ZNF638: variants seen among roughly 807,000 people sequenced by gnomAD.
The protein encoded by ZNF638 is zinc finger protein 638.
In ZNF638, 46 loss-of-function variants were observed where a neutral mutation model predicts 195.6. The observed-to-expected ratio is 0.24, with a 90% CI of 0.19 to 0.30. The LOEUF is 0.30. Ranked by LOEUF, ZNF638 falls within the 10% of genes least tolerant of loss-of-function variation. The pLI is 1.00. For synonymous variants in ZNF638, 845 were observed against 772.0 expected (o/e 1.09, Z -1.57); for missense variants, 2,440 against 2,325.3 (o/e 1.05, Z -1.01).
intron 2 of ZNF638, among the ~76,000 whole-genome samples, chr2:71,351,295 A>G (rs983781264): frequency 6.6e-6 from 1 of 152,202 alleles, no homozygotes; most frequent in Non-Finnish European, 1.5e-5. Flanking sequence ...GTCAACATGA[A>G]TCTGATAATT....
chr2:71,400,052 T>G, intron 13 of ZNF638, 60 bp from the exon 14 acceptor site: 1 of 1,364,134 alleles, frequency 7.3e-7, no homozygotes, highest in Non-Finnish European at 1.0e-6. Flanking sequence ...CCTGTTTAGA[T>G]TCATTAGTTT....
At chr2:71,336,622 C>T (rs1573011022) in intron 1 of ZNF638, among the ~76,000 whole-genome samples, 1 of 152,302 alleles carries the variant, frequency 6.6e-6, no homozygotes, top group Non-Finnish European at 1.5e-5. Flanking sequence ...TTAATCTTCA[C>T]AGCAGCATTC....
intron 10 of ZNF638, chr2:71,395,306 A>G: frequency 1.4e-6 from 1 of 717,156 alleles, no homozygotes; most frequent in Non-Finnish European, 2.6e-6. Flanking sequence ...TGCTGTGCAC[A>G]TCTGTACTCT....
chr2:71,408,749 C>T (rs1454549396), intron 20 of ZNF638: 3 of 453,446 alleles, frequency 6.6e-6, no homozygotes, highest in African/African-American at 4.1e-5. Context: ...TCTATTTTCT[C>T]CTTCTATTCC....
chr2:71,420,951 G>A (rs1476253219), intron 21 of ZNF638, among the ~76,000 whole-genome samples: 1 of 152,130 alleles, frequency 6.6e-6, no homozygotes, highest in Non-Finnish European at 1.5e-5. Context: ...TCTGTTTCAA[G>A]TATGGAACTG....
chr2:71,419,974 C>CCCCCT (rs1189202093), intron 21 of ZNF638, among the ~76,000 whole-genome samples: 1 of 27,022 alleles, frequency 3.7e-5, no homozygotes, highest in African/African-American at 1.6e-4. Flanking sequence ...CCCCCCCCGC[C>CCCCCT]TTTTTTTTTT....
intron 20 of ZNF638, chr2:71,418,242 C>G (rs1266221166): frequency 5.9e-6 from 1 of 168,674 alleles, no homozygotes; most frequent in Non-Finnish European, 1.3e-5. Context: ...CAGCTGATCT[C>G]TCTTAGAAGT....
chr2:71,414,284 C>G (rs200642615), intron 20 of ZNF638, among the ~76,000 whole-genome samples: 864 of 17,318 alleles, frequency 0.05, 24 homozygotes, highest in East Asian at 0.11. Context: ...GTAGTATTCT[C>G]TGATGGTAGT....
intron 8 of ZNF638, among the ~76,000 whole-genome samples, chr2:71,377,305 G>A (rs1043293550): frequency 6.6e-6 from 1 of 152,028 alleles, no homozygotes; most frequent in African/African-American, 2.4e-5. Context: ...CTAATAAAAC[G>A]CTTTCAGCCA....
At chr2:71,369,213 C>G (rs2079261960) in intron 7 of ZNF638, among the ~76,000 whole-genome samples, 1 of 150,792 alleles carries the variant, frequency 6.6e-6, no homozygotes, top group Non-Finnish European at 1.5e-5. Flanking sequence ...ATCCCACCTA[C>G]GTGGGAGGTT....
Position 71,339,911 on chromosome 2 carries a change from A to C in ZNF638, c.-203+8036A>C, listed in dbSNP as rs555993947. Among the ~76,000 whole-genome samples, 10 of 152,278 alleles carry C rather than the reference A, an allele frequency of 6.6e-5. No individual in the cohort carries two copies. The South Asian group carries it at 1.0e-3, about 16-fold the overall frequency. Reference sequence around the variant, plus strand: ...GGGGAGCATCATTTACAATAAATACAATGTTGTGCTCTAGAGGCCTGTTTA... The same window carrying C: ...GGGGAGCATCATTTACAATAAATACCATGTTGTGCTCTAGAGGCCTGTTTA... On this transcript the variant is annotated intron_variant, in intron 1 of 27. Transcript: ENST00000264447.
intron 3 of ZNF638, among the ~76,000 whole-genome samples, chr2:71,361,143 G>T (rs1160870511): frequency 6.6e-6 from 1 of 152,006 alleles, no homozygotes; most frequent in Admixed American, 6.6e-5. Flanking sequence ...TTGTATTTTT[G>T]GTAGAGACAG....
chr2:71,430,865 T>C (rs998026167), intron 25 of ZNF638, among the ~76,000 whole-genome samples: 7 of 152,158 alleles, frequency 4.6e-5, no homozygotes. Flanking sequence ...CTTTAACATT[T>C]ATATTAATAA....
At chr2:71,422,487 T>C (rs934774223) in intron 21 of ZNF638, among the ~76,000 whole-genome samples, 29 of 152,214 alleles carry the variant, frequency 1.9e-4, no homozygotes, top group African/African-American at 4.8e-5. Flanking sequence ...TAGGACCTGA[T>C]AATATTTGAA....
chr2:71,362,638 A>G (rs967590001), intron 3 of ZNF638, among the ~76,000 whole-genome samples: 2 of 152,220 alleles, frequency 1.3e-5, no homozygotes, highest in African/African-American at 2.4e-5. Flanking sequence ...TTGCCACTGC[A>G]TGAAATCTAA....
intron 20 of ZNF638, 114 bp downstream of exon 20, chr2:71,408,361 G>T (rs2080146756): frequency 2.3e-6 from 3 of 1,277,100 alleles, no homozygotes; most frequent in Middle Eastern, 5.3e-4. Flanking sequence ...TTTATAATTT[G>T]TGTTGCAATC....
intron 22 of ZNF638, among the ~76,000 whole-genome samples, chr2:71,424,341 C>T (rs905672192): frequency 1.3e-5 from 2 of 151,506 alleles, no homozygotes; most frequent in African/African-American, 4.9e-5. Context: ...TGATTTACCA[C>T]TCTGCTTCTG....
chr2:71,387,722 A>G (rs956233287), intron 10 of ZNF638, among the ~76,000 whole-genome samples: 2 of 152,182 alleles, frequency 1.3e-5, no homozygotes, highest in East Asian at 1.9e-4. Flanking sequence ...ATTTACTATG[A>G]TACATAAGAT....
intron 26 of ZNF638, among the ~76,000 whole-genome samples, chr2:71,431,692 G>A (rs1188848992): frequency 1.3e-5 from 2 of 151,932 alleles, no homozygotes; most frequent in East Asian, 1.9e-4. Context: ...CCCGGGAGGC[G>A]GAGCTTGCAG....
Sources: allele counts gnomAD v4.1 joint callset (sites outside exome capture counted in the v4.1 genomes callset), GRCh38; gene constraint gnomAD v4.1.1; transcripts MANE v1.5; gene names NCBI Gene and HGNC (gene_info 2026-07-23, HGNC 2026-07-21).